KCNIP4: variants seen among roughly 807,000 people sequenced by gnomAD.
The protein encoded by KCNIP4 is Kv channel-interacting protein 4.
A neutral mutation model predicts 34.0 loss-of-function variants in KCNIP4; 12 were observed. That is an observed-to-expected ratio of 0.35 (90% CI 0.23 to 0.57). The LOEUF is 0.57. Among genes scored for constraint, KCNIP4 ranks in the 20% least tolerant of loss-of-function variants. The pLI is 0.83. For missense variants in KCNIP4, 238 were observed against 311.7 expected (o/e 0.76, Z 1.78); for synonymous variants, 124 against 102.2 (o/e 1.21, Z -1.29).
chr4:21,421,763 C>A (rs10003453), intron 1 of KCNIP4, among the ~76,000 whole-genome samples: 1,543 of 152,196 alleles, frequency 0.01, 26 homozygotes, highest in African/African-American at 0.035. Flanking sequence ...ACCACAAATA[C>A]ACAAAAAGAT....
At chr4:21,640,854 T>C (rs1486293894) in intron 1 of KCNIP4, among the ~76,000 whole-genome samples, 1 of 152,190 alleles carries the variant, frequency 6.6e-6, no homozygotes, top group African/African-American at 2.4e-5. Flanking sequence ...GGTGTTTAAA[T>C]TGTTGGTGAC....
chr4:21,658,174 T>C (rs1460760226), intron 1 of KCNIP4, among the ~76,000 whole-genome samples: 1 of 152,158 alleles, frequency 6.6e-6, no homozygotes, highest in Non-Finnish European at 1.5e-5. Flanking sequence ...AGCATACAGA[T>C]AAATATTGAA....
intron 1 of KCNIP4, among the ~76,000 whole-genome samples, chr4:21,921,859 C>A (rs957219775): frequency 2.0e-5 from 3 of 152,122 alleles, no homozygotes; most frequent in Non-Finnish European, 4.4e-5. Flanking sequence ...CCAGAGTGGT[C>A]TTTTTAAAAA....
At chr4:20,762,934 G>A (rs1755069264) in intron 3 of KCNIP4, among the ~76,000 whole-genome samples, 3 of 130,558 alleles carry the variant, frequency 2.3e-5, no homozygotes, top group Non-Finnish European at 4.7e-5. Flanking sequence ...GAGAAGGAAG[G>A]CACCTTCTTC....
At chr4:21,831,063 T>C (rs561375614) in intron 1 of KCNIP4, among the ~76,000 whole-genome samples, 2 of 152,152 alleles carry the variant, frequency 1.3e-5, no homozygotes, top group South Asian at 4.2e-4. Flanking sequence ...AACCAGTGGG[T>C]CAAATAAAAA....
At chr4:21,083,943 C>T (rs1746208364) in intron 1 of KCNIP4, among the ~76,000 whole-genome samples, 1 of 151,756 alleles carries the variant, frequency 6.6e-6, no homozygotes, top group Non-Finnish European at 1.5e-5. Context: ...GCATTTTTAC[C>T]TCTGCACAAA....
intron 1 of KCNIP4, among the ~76,000 whole-genome samples, chr4:21,473,156 C>T (rs62295509): frequency 0.19 from 29,505 of 152,150 alleles, 3,413 homozygotes; most frequent in Non-Finnish European, 0.27. Flanking sequence ...GGAGCAAAGC[C>T]ACAATTACCC....
At chr4:21,657,934 G>C (rs1560599859) in intron 1 of KCNIP4, among the ~76,000 whole-genome samples, 1 of 151,886 alleles carries the variant, frequency 6.6e-6, no homozygotes, top group South Asian at 2.1e-4. Context: ...CTGCCTCCCA[G>C]GTTCAAGCAA....
chr4:21,124,650 A>G lies in KCNIP4; in HGVS notation c.62-241941T>C, dbSNP rs550251546. ...GGATCTGGCACTAATCAGGGCTAGC[A>G]TAAAAGAAGGGGGGTCTTTGTGATA... is the stretch of plus-strand genomic sequence containing the variant. On this transcript the variant is annotated intron_variant, in intron 1 of 8. Coordinates refer to ENST00000382152, the MANE Select transcript of KCNIP4 (RefSeq NM_025221.6). Among the ~76,000 whole-genome samples, 129 of 152,262 alleles carry G rather than the reference A, an allele frequency of 8.5e-4. 1 individual carries two copies. The highest frequency in any genetic ancestry group is 2.9e-3 in the African/African-American group (120 of 41,548).
chr4:20,831,579 C>A (rs1314720160), intron 3 of KCNIP4, among the ~76,000 whole-genome samples: 2 of 152,142 alleles, frequency 1.3e-5, no homozygotes, highest in African/African-American at 2.4e-5. Flanking sequence ...GTCACACACA[C>A]ACAAAACTAA....
intron 1 of KCNIP4, among the ~76,000 whole-genome samples, chr4:21,944,757 C>T (rs965816253): frequency 1.3e-5 from 2 of 152,132 alleles, no homozygotes; most frequent in Admixed American, 6.5e-5. Flanking sequence ...AGTCTTCCAA[C>T]ACATGTTGGT....
At chr4:21,781,384 G>A (rs1419810781) in intron 1 of KCNIP4, among the ~76,000 whole-genome samples, 1 of 152,044 alleles carries the variant, frequency 6.6e-6, no homozygotes, top group Non-Finnish European at 1.5e-5. Context: ...CCGGTCTCAG[G>A]TAGTATCTTT....
chr4:21,142,462 G>A (rs1752045185), intron 1 of KCNIP4, among the ~76,000 whole-genome samples: 1 of 152,128 alleles, frequency 6.6e-6, no homozygotes, highest in Admixed American at 6.6e-5. Context: ...ACAGGCTTAT[G>A]GCTATTCTTT....
chr4:21,748,684 T>C (rs576653423), intron 1 of KCNIP4, among the ~76,000 whole-genome samples: 1 of 152,296 alleles, frequency 6.6e-6, no homozygotes, highest in Non-Finnish European at 1.5e-5. Context: ...CTGAGGCTGT[T>C]ATTTTTAGGA....
rs572147304 is a variant in KCNIP4, at chr4:21,682,842, T to G, written c.61+265729A>C. Among the ~76,000 whole-genome samples the G allele has an allele frequency of 3.9e-5, 6 of 152,296 alleles. No homozygotes were observed. The East Asian group carries it at 1.2e-3, about 29-fold the overall frequency. Reference sequence around the variant, plus strand: ...CAACATTTATTGATTACGTTCACTGTCTCATATAGGTATGGTTGGTGGCAC... The same window carrying G: ...CAACATTTATTGATTACGTTCACTGGCTCATATAGGTATGGTTGGTGGCAC... On this transcript the variant is annotated intron_variant, in intron 1 of 8. Coordinates refer to ENST00000382152, the MANE Select transcript of KCNIP4 (RefSeq NM_025221.6).
At chr4:21,322,772 T>C (rs893101725) in intron 1 of KCNIP4, among the ~76,000 whole-genome samples, 15 of 152,018 alleles carry the variant, frequency 9.9e-5, no homozygotes, top group African/African-American at 3.4e-4. Flanking sequence ...TGATTCAGAT[T>C]CATATCCCTG....
At chr4:21,340,848 C>T (rs1025684406) in intron 1 of KCNIP4, among the ~76,000 whole-genome samples, 6 of 152,012 alleles carry the variant, frequency 3.9e-5, no homozygotes, top group South Asian at 4.1e-4. Context: ...TGGCCAGCTC[C>T]GTATATTACA....
intron 1 of KCNIP4, among the ~76,000 whole-genome samples, chr4:21,119,392 T>C (rs1749950739): frequency 6.7e-6 from 1 of 149,792 alleles, no homozygotes; most frequent in Non-Finnish European, 1.5e-5. Context: ...GGGTGGATGC[T>C]GTATTCACTC....
At chr4:21,152,348 A>T (rs917116762) in intron 1 of KCNIP4, among the ~76,000 whole-genome samples, 1 of 152,180 alleles carries the variant, frequency 6.6e-6, no homozygotes, top group Non-Finnish European at 1.5e-5. Flanking sequence ...AGAGCCACTC[A>T]TCTAATGTGT....
Sources: gnomAD v4.1 joint callset for allele counts (sites outside exome capture counted in the v4.1 genomes callset) on GRCh38, gnomAD v4.1.1 for gene constraint, MANE v1.5 for transcripts, NCBI Gene and HGNC (gene_info 2026-07-23, HGNC 2026-07-21) for gene names.